The following HIKESHI variants were observed in gnomAD, a reference collection of about 807,000 sequenced individuals.
HIKESHI encodes the protein heat shock protein nuclear import factor hikeshi.
A neutral mutation model predicts 25.7 loss-of-function variants in HIKESHI; 13 were observed. The observed-to-expected ratio is 0.51, with a 90% CI of 0.33 to 0.80. HIKESHI has a LOEUF of 0.80. HIKESHI is among the 30% of genes least tolerant of loss of function. The pLI, the probability that HIKESHI is intolerant of heterozygous loss-of-function variation, is 0.02. For missense variants in HIKESHI, 174 were observed against 229.5 expected, an observed-to-expected ratio of 0.76 and a Z score of 1.56; for synonymous variants, 76 against 78.7, an observed-to-expected ratio of 0.97 and a Z score of 0.18.
intron 2 of HIKESHI, among the ~76,000 whole-genome samples, chr11:86,307,807 AATAT>A (rs1363934848): frequency 8.2e-6 from 1 of 121,858 alleles, no homozygotes; most frequent in Non-Finnish European, 1.6e-5. Context: ...CATTATATAA[AATAT>A]ATATTATGTG....
At chr11:86,345,222 C>T (rs922199376) in intron 4 of HIKESHI, 19 of 801,938 alleles carry the variant, frequency 2.4e-5, no homozygotes, top group Admixed American at 5.6e-5. Context: ...CATAATGTAG[C>T]TATGTGACCC....
At chr11:86,312,535 A>G (rs1423361644) in intron 2 of HIKESHI, among the ~76,000 whole-genome samples, 1 of 151,830 alleles carries the variant, frequency 6.6e-6, no homozygotes, top group East Asian at 1.9e-4. Context: ...GTGTCTTTTA[A>G]TTGGAGCATT....
At chr11:86,333,416 T>C (rs1001824420) in intron 2 of HIKESHI, among the ~76,000 whole-genome samples, 12 of 151,910 alleles carry the variant, frequency 7.9e-5, no homozygotes, top group Non-Finnish European at 1.5e-4. Flanking sequence ...AGGCCTGTAA[T>C]CCCAGCTACT....
chr11:86,341,195 A>G (rs577952295), intron 3 of HIKESHI, among the ~76,000 whole-genome samples: 2 of 152,318 alleles, frequency 1.3e-5, no homozygotes, highest in Admixed American at 1.3e-4. Flanking sequence ...CCCAACATGT[A>G]CATACTTCTT....
intron 2 of HIKESHI, among the ~76,000 whole-genome samples, chr11:86,328,947 C>T (rs764958839): frequency 5.3e-5 from 8 of 151,588 alleles, no homozygotes; most frequent in East Asian, 1.9e-4. Context: ...CACACACACA[C>T]GCTCCTCACA....
intron 2 of HIKESHI, among the ~76,000 whole-genome samples, chr11:86,316,116 A>T (rs78511880): frequency 6.7e-5 from 1 of 14,854 alleles, no homozygotes; most frequent in African/African-American, 3.8e-4. Flanking sequence ...TGTCTCCATT[A>T]AAAAAAAAAA....
At chr11:86,309,075 G>A (rs1481417194) in intron 2 of HIKESHI, among the ~76,000 whole-genome samples, 2 of 152,086 alleles carry the variant, frequency 1.3e-5, no homozygotes, top group African/African-American at 2.4e-5. Flanking sequence ...AATCCTTTGG[G>A]TATATGTCCA....
intron 2 of HIKESHI, among the ~76,000 whole-genome samples, chr11:86,329,574 C>CTTTTTTTTTTTT (rs71040232): frequency 7.0e-6 from 1 of 143,878 alleles, no homozygotes; most frequent in African/African-American, 2.6e-5. Flanking sequence ...CCTGTGATTT[C>CTTTTTTTTTTTT]TTTTTTTTTT....
intron 2 of HIKESHI, among the ~76,000 whole-genome samples, chr11:86,316,766 ACATT>A (rs1463079313): frequency 1.7e-5 from 2 of 118,766 alleles, no homozygotes; most frequent in African/African-American, 6.1e-5. Context: ...TGAATCTGAA[ACATT>A]CTTTTTTTTT....
In HIKESHI at chr11:86,333,098, G is replaced by A. The variant is rs1947463093; in HGVS notation, c.269-4281G>A. 1.3e-5 allele frequency among the ~76,000 whole-genome samples: 2 copies of A among 152,182 alleles called. 1 individual carries two copies. Among genetic ancestry groups the A allele is most frequent in the South Asian group, 4.1e-4 (2 of 4,830 alleles). On this transcript the variant is annotated intron_variant, in intron 2 of 4. Transcript: ENST00000278483. ...TTAGACAAATCAGAAAATGAATACTGAAAGGTAAATTCTACACTGATGACG... is the reference window on the plus strand; with the variant it reads ...TTAGACAAATCAGAAAATGAATACTAAAAGGTAAATTCTACACTGATGACG...
chr11:86,313,393 G>A (rs573252436), intron 2 of HIKESHI, among the ~76,000 whole-genome samples: 1 of 152,106 alleles, frequency 6.6e-6, no homozygotes, highest in South Asian at 2.1e-4. Context: ...ACCACACCTT[G>A]CTAATTTTTT....
chr11:86,315,027 A>G lies in HIKESHI; in HGVS notation c.268+8545A>G, dbSNP rs1946937606. Among the ~76,000 whole-genome samples, 3 of 152,236 alleles carry G rather than the reference A, an allele frequency of 2.0e-5. No individual in the cohort carries two copies. The South Asian group carries it at 6.2e-4, about 32-fold the overall frequency. ...ATACCCTTTATACATATGACATAGT[A>G]TTTGAACAATCTTTGGGAAAATTAA... On this transcript the variant is annotated intron_variant, in intron 2 of 4. Transcript: ENST00000278483.
chr11:86,323,306 ATACT>A (rs1421757082), intron 2 of HIKESHI, among the ~76,000 whole-genome samples: 2 of 152,224 alleles, frequency 1.3e-5, no homozygotes, highest in Non-Finnish European at 2.9e-5. Context: ...ATGTAAATAG[ATACT>A]TTTATAGTTT....
chr11:86,337,563 C>T (rs753405452), intron 3 of HIKESHI, 33 bp downstream of exon 3: 18 of 1,592,578 alleles, frequency 1.1e-5, no homozygotes, highest in Non-Finnish European at 9.4e-6. Flanking sequence ...CTTTACCTCC[C>T]CCTCCACTGC....
Position 86,306,314 on chromosome 11 carries a change from A to C in HIKESHI, c.100A>C (p.Asn34His), listed in dbSNP as rs1565717950. Reference protein sequence around the residue: ...VFDLPDYESINHVVVFMLGTI... With the variant: ...VFDLPDYESIHHVVVFMLGTI... The stretch of plus-strand genomic sequence containing the variant: ...TGACTTACCTGATTATGAAAGTATC[A>C]ACCATGTTGTGGTTTTTATGCTGGG... The change falls in exon 2 of 5, where the codon AAC becomes CAC. Residue 34 changes from asparagine (N) to histidine (H), a missense_variant. Asn to His is a moderately conservative substitution (Grantham distance 68). Transcript: ENST00000278483. 1.9e-6 allele frequency: 3 copies of C among 1,614,154 alleles called. No individual in the cohort carries two copies. Among genetic ancestry groups the C allele is most frequent in the Non-Finnish European group, 2.5e-6 (3 of 1,179,990 alleles).
At chr11:86,324,677 C>T (rs909478441) in intron 2 of HIKESHI, among the ~76,000 whole-genome samples, 1 of 152,088 alleles carries the variant, frequency 6.6e-6, no homozygotes, top group African/African-American at 2.4e-5. Context: ...TTATATTTTT[C>T]AGCCTTTCAG....
chr11:86,315,093 G>A (rs2138325124), intron 2 of HIKESHI, among the ~76,000 whole-genome samples: 1 of 152,194 alleles, frequency 6.6e-6, no homozygotes, highest in East Asian at 1.9e-4. Flanking sequence ...TCTTCGCTTT[G>A]GTTGTGCCTA....
intron 1 of HIKESHI, among the ~76,000 whole-genome samples, chr11:86,305,113 T>G (rs1946589063): frequency 6.6e-6 from 1 of 151,798 alleles, no homozygotes; most frequent in Non-Finnish European, 1.5e-5. Context: ...GATTATCTGG[T>G]CTTAGCCTCC....
intron 3 of HIKESHI, among the ~76,000 whole-genome samples, chr11:86,342,146 G>T (rs1296457226): frequency 6.6e-6 from 1 of 152,002 alleles, no homozygotes; most frequent in Non-Finnish European, 1.5e-5. Context: ...TTTTGGCTGT[G>T]TTTGTATTTC....
Sources: allele counts gnomAD v4.1 joint callset (sites outside exome capture counted in the v4.1 genomes callset), GRCh38; gene constraint gnomAD v4.1.1; transcripts MANE v1.5; gene names NCBI Gene and HGNC (gene_info 2026-07-23, HGNC 2026-07-21).